SLC48A1: variants seen among roughly 807,000 people sequenced by gnomAD.
SLC48A1 encodes solute carrier family 48 member 1.
A neutral mutation model predicts 14.8 loss-of-function variants in SLC48A1; 6 were observed. The observed-to-expected ratio is 0.41, with a 90% confidence interval of 0.22 to 0.80. The LOEUF (loss-of-function observed/expected upper bound fraction) is 0.80. Ranked by LOEUF, SLC48A1 falls within the 30% of genes least tolerant of loss-of-function variation. The pLI is 0.34. For missense variants in SLC48A1, 165 were observed against 204.8 expected, an observed-to-expected ratio of 0.81 and a Z score of 1.19; for synonymous variants, 89 against 90.0, an observed-to-expected ratio of 0.99 and a Z score of 0.06.
upstream of SLC48A1, among the ~76,000 whole-genome samples, chr12:47,757,689 C>T (rs1942164577): frequency 6.6e-6 from 1 of 152,288 alleles, no homozygotes; most frequent in South Asian, 2.1e-4. Flanking sequence ...CACGTTGCAG[C>T]TGTGTGAGCC....
At chr12:47,763,234 C>A (rs1280963508) in intron 2 of SLC48A1, among the ~76,000 whole-genome samples, 1 of 152,192 alleles carries the variant, frequency 6.6e-6, no homozygotes, top group Non-Finnish European at 1.5e-5. Context: ...CTACTCATGT[C>A]TCCTCTATCC....
chr12:47,770,034 C>T (rs1490483757), upstream of SLC48A1, among the ~76,000 whole-genome samples: 1 of 152,176 alleles, frequency 6.6e-6, no homozygotes, highest in Non-Finnish European at 1.5e-5. Flanking sequence ...GGCAGAAAGT[C>T]AATTGGATTG....
chr12:47,757,811 C>T (rs538655362), upstream of SLC48A1: 5 of 1,474,670 alleles, frequency 3.4e-6, no homozygotes, highest in Admixed American at 4.0e-5. Flanking sequence ...ATGATCTAGG[C>T]CCCCCTCTAG....
rs766726200 is a variant in SLC48A1 at position 47,780,599 on chromosome 12, C to T, written c.*318C>T. ...TTTTTTTTTTTGAGATGGAGTCTTA[C>T]TCTGTCACCCAGGCTGGAGTGCAGT... On this transcript the variant is annotated 3_prime_UTR_variant, in exon 3 of 3. Transcript: ENST00000442218. 1 of 435,098 alleles carries T rather than the reference C, an allele frequency of 2.3e-6. No homozygotes were observed. The highest frequency in any genetic ancestry group is 4.4e-6 in the Non-Finnish European group (1 of 229,848). The allele number at this position is 435,098 out of a possible 1,614,324, so 27.0% of individuals were successfully genotyped here.
chr12:47,756,171 T>A (rs1942039974), upstream of SLC48A1: 1 of 152,126 alleles, frequency 6.6e-6, no homozygotes, highest in Non-Finnish European at 1.5e-5. Context: ...CACCAGCCCT[T>A]CATTTCTGGG....
At chr12:47,779,528 G>C (rs1942821439) in intron 2 of SLC48A1, among the ~76,000 whole-genome samples, 1 of 152,224 alleles carries the variant, frequency 6.6e-6, no homozygotes, top group Non-Finnish European at 1.5e-5. Context: ...TCTTCCGGGA[G>C]TCTGATGCTA....
upstream of SLC48A1, among the ~76,000 whole-genome samples, chr12:47,754,211 C>T (rs1941920631): frequency 1.3e-5 from 2 of 152,226 alleles, no homozygotes; most frequent in South Asian, 4.1e-4. Context: ...AGCATTATGC[C>T]CTACCGTCTT....
Position 47,780,381 on chromosome 12 carries a change from A to G in SLC48A1, c.*100A>G, listed in dbSNP as rs1451052042. ...TACTCCCACCCCCTGGTGACCCCAGAACTGTGGCAGAAAATACACAGCAGG... is the reference window on the plus strand; with the variant it reads ...TACTCCCACCCCCTGGTGACCCCAGGACTGTGGCAGAAAATACACAGCAGG... On this transcript the variant is annotated 3_prime_UTR_variant, in exon 3 of 3. Transcript: ENST00000442218. The G allele has an allele frequency of 2.6e-6, 4 of 1,564,516 alleles. No homozygotes were observed. The highest frequency in any genetic ancestry group is 1.1e-5 in the South Asian group (1 of 89,772).
At chr12:47,765,906 T>C (rs961922238) in intron 2 of SLC48A1, among the ~76,000 whole-genome samples, 2 of 151,218 alleles carry the variant, frequency 1.3e-5, no homozygotes, top group Non-Finnish European at 3.0e-5. Flanking sequence ...TGCCATGGCT[T>C]TTTCTCACCT....
upstream of SLC48A1, among the ~76,000 whole-genome samples, chr12:47,767,360 G>A (rs1321794061): frequency 2.0e-5 from 3 of 152,186 alleles, no homozygotes; most frequent in Admixed American, 6.5e-5. Context: ...ATTATTTATG[G>A]ACATTCAGCC....
In SLC48A1 at chr12:47,779,021, C is replaced by T. The variant is rs1464290424; in HGVS notation, c.137-7C>T. On this transcript the variant is annotated splice_polypyrimidine_tract_variant and splice_region_variant and intron_variant, in intron 1 of 2. Transcript: ENST00000442218. The stretch of plus-strand genomic sequence containing the variant: ...TGGGGATGGGCCCTGATGTGTCTCT[C>T]CTGCAGGGGTGCTGGCACTGTGGGT... The T allele has an allele frequency of 1.3e-6, 2 of 1,551,148 alleles. No individual in the cohort carries two copies. Among genetic ancestry groups the T allele is most frequent in the South Asian group, 1.2e-5 (1 of 83,972 alleles).
In SLC48A1 at chr12:47,781,230, G is replaced by A. The variant is rs1375096060; in HGVS notation, c.*949G>A. On this transcript the variant is annotated 3_prime_UTR_variant, in exon 3 of 3. Transcript: ENST00000442218. The stretch of plus-strand genomic sequence containing the variant: ...CAAATGAGGCCAGACTCAGGGTCAC[G>A]GGGAATGTGCTTCTGCCCCTGTAAG... 3.6e-5 allele frequency: 8 copies of A among 220,284 alleles called. No individual in the cohort carries two copies. The highest frequency in any genetic ancestry group is 2.9e-4 in the East Asian group (2 of 6,784). The allele number at this position is 220,284 out of a possible 1,614,324, so 13.6% of individuals were successfully genotyped here.
In SLC48A1 at chr12:47,780,085, C is replaced by T. The variant is rs532227496; in HGVS notation, c.305-60C>T. 4.1e-5 allele frequency: 60 copies of T among 1,466,422 alleles called. 2 individuals carry two copies. The highest frequency in any genetic ancestry group is 2.6e-4 in the South Asian group (18 of 70,500). The allele number at this position is 1,466,422 out of a possible 1,614,324, so 90.8% of individuals were successfully genotyped here. On this transcript the variant is annotated intron_variant, in intron 2 of 2. Transcript: ENST00000442218. ...GGGAGGGTGGCCCTGGCCTTGTGGC[C>T]GGTGCAGAGGCCGAGGGCAGGGCCT...
chr12:47,757,978 G>T, upstream of SLC48A1: 2 of 1,566,846 alleles, frequency 1.3e-6, no homozygotes, highest in Non-Finnish European at 1.7e-6. Context: ...TGTCCCCTCC[G>T]GCACCACGTC....
chr12:47,773,320 C>G lies in SLC48A1; in HGVS notation c.16C>G (p.Leu6Val). 6.8e-7 allele frequency: 1 copy of G among 1,469,054 alleles called. No homozygotes were observed. Among genetic ancestry groups the G allele is most frequent in the Non-Finnish European group, 9.0e-7 (1 of 1,109,684 alleles). 91.0% of individuals were successfully genotyped at this position (1,469,054 alleles called of 1,614,324 possible). Reference protein sequence around the residue: MAPSRLQLGLRAAYSG... With the variant: MAPSRVQLGLRAAYSG... ...CCGCAGCCCCATGGCCCCGTCCAGG[C>G]TGCAGCTCGGCCTCCGCGCCGCCTA... Residue 6 changes from leucine to valine, a missense_variant, in exon 1 of 3, where the codon CTG becomes GTG. Physicochemically the swap from Leu to Val is conservative, Grantham distance 32 (BLOSUM62 1). Transcript: ENST00000442218.
chr12:47,759,501 A>G (rs1488184236), intron 1 of SLC48A1, among the ~76,000 whole-genome samples: 2 of 152,168 alleles, frequency 1.3e-5, no homozygotes, highest in Non-Finnish European at 2.9e-5. Context: ...GGGCCCTAAG[A>G]GGAGATTGGG....
chr12:47,775,900 G>A (rs563876286), intron 1 of SLC48A1, among the ~76,000 whole-genome samples: 23 of 152,290 alleles, frequency 1.5e-4, no homozygotes, highest in African/African-American at 2.9e-4. Flanking sequence ...CTGGGGAGGC[G>A]GGCAGGTGTG....
upstream of SLC48A1, chr12:47,758,238 C>A (rs1376561809): frequency 1.9e-5 from 27 of 1,434,604 alleles, no homozygotes; most frequent in Non-Finnish European, 2.4e-5. Context: ...AACAGGAAGA[C>A]CTTCACTGGG....
At position 47,780,286 on chromosome 12, in the gene SLC48A1, G is replaced by T; in HGVS notation, c.*5G>T. 6.2e-7 allele frequency: 1 copy of T among 1,614,216 alleles called. No homozygotes were observed. The highest frequency in any genetic ancestry group is 8.5e-7 in the Non-Finnish European group (1 of 1,180,016). On this transcript the variant is annotated 3_prime_UTR_variant, in exon 3 of 3. Transcript: ENST00000442218. ...AGCATCCTCAGCGATTTCTGACCCA[G>T]GGGGTGAGGTCTCTGCACCCTGGGG...
Sources: allele counts gnomAD v4.1 joint callset (sites outside exome capture counted in the v4.1 genomes callset), GRCh38; gene constraint gnomAD v4.1.1; transcripts MANE v1.5; gene names NCBI Gene and HGNC (gene_info 2026-07-23, HGNC 2026-07-21).